The following PDE10A variants were observed in gnomAD, a reference collection of about 807,000 sequenced individuals.
The protein encoded by PDE10A is cAMP and cAMP-inhibited cGMP 3',5'-cyclic phosphodiesterase 10A.
PDE10A carries 39 observed loss-of-function variants against 97.7 expected under a neutral mutation model. The observed-to-expected ratio is 0.40, with a 90% CI of 0.31 to 0.52. The LOEUF (loss-of-function observed/expected upper bound fraction) is 0.52, where lower values mean the gene tolerates loss of function less well. Among genes scored for constraint, PDE10A ranks in the 20% least tolerant of loss-of-function variants. The pLI is 0.56. For missense variants in PDE10A, 731 were observed against 1,047.8 expected, an observed-to-expected ratio of 0.70 and a Z score of 4.17; for synonymous variants, 371 against 376.8, an observed-to-expected ratio of 0.98 and a Z score of 0.18.
intron 1 of PDE10A, among the ~76,000 whole-genome samples, chr6:165,805,601 A>G (rs1779114985): frequency 6.6e-6 from 1 of 152,008 alleles, no homozygotes; most frequent in Admixed American, 6.5e-5. Flanking sequence ...AACTCTATGT[A>G]CAGGTATATT....
At chr6:165,865,831 A>G (rs1781027384) in intron 1 of PDE10A, among the ~76,000 whole-genome samples, 2 of 152,188 alleles carry the variant, frequency 1.3e-5, no homozygotes, top group South Asian at 4.1e-4. Flanking sequence ...GTTCCACAAG[A>G]AGAGATGAGT....
intron 1 of PDE10A, among the ~76,000 whole-genome samples, chr6:165,701,268 G>A (rs1277512984): frequency 6.6e-6 from 1 of 152,184 alleles, no homozygotes; most frequent in African/African-American, 2.4e-5. Context: ...CCATCTGACG[G>A]TCTTGGGTGG....
intron 5 of PDE10A, among the ~76,000 whole-genome samples, chr6:165,437,005 C>T (rs1289324006): frequency 1.3e-5 from 2 of 152,090 alleles, no homozygotes; most frequent in Non-Finnish European, 2.9e-5. Context: ...TTTTCTCAAA[C>T]TATAAGGAAG....
intron 1 of PDE10A, among the ~76,000 whole-genome samples, chr6:165,947,504 C>T (rs1207735280): frequency 6.6e-6 from 1 of 152,058 alleles, no homozygotes; most frequent in Non-Finnish European, 1.5e-5. Context: ...TAAAATAGAG[C>T]TTTCTCTCAC....
chr6:165,751,997 G>A (rs982350434), intron 1 of PDE10A, among the ~76,000 whole-genome samples: 3 of 151,860 alleles, frequency 2.0e-5, no homozygotes, highest in Non-Finnish European at 4.4e-5. Flanking sequence ...GAAAAAACTA[G>A]CCAGGCATGG....
chr6:165,619,241 G>GTGTAGTGTAGTCTA (rs879730313), intron 1 of PDE10A, among the ~76,000 whole-genome samples: 11,137 of 109,424 alleles, frequency 0.1, 932 homozygotes, highest in African/African-American at 0.16. Context: ...AGACTAGTGT[G>GTGTAGTGTAGTCTA]GTGTAGTGTA....
At chr6:165,549,864 T>A (rs1783929219) in intron 1 of PDE10A, among the ~76,000 whole-genome samples, 1 of 152,204 alleles carries the variant, frequency 6.6e-6, no homozygotes, top group Admixed American at 6.5e-5. Flanking sequence ...TTACTCATTC[T>A]AAGAAAGAAT....
rs1026462784 is a variant in PDE10A, at chr6:165,671,987, A to C, written c.-614-128419T>G. Reference sequence around the variant, plus strand: ...TCAGTCAAACTATATTACTTCCGTAACCGTAAAATACTGGTGAAGTCTTAT... The same window carrying C: ...TCAGTCAAACTATATTACTTCCGTACCCGTAAAATACTGGTGAAGTCTTAT... On this transcript the variant is annotated intron_variant, in intron 1 of 19. Coordinates refer to the PDE10A transcript ENST00000366882. This position sits in a 1 kb window ranked among gnomAD's most constrained non-coding sequence, Gnocchi z 4.6. Among the ~76,000 whole-genome samples, 5 of 152,202 alleles carry C rather than the reference A, an allele frequency of 3.3e-5. No individual in the cohort carries two copies. Among genetic ancestry groups the C allele is most frequent in the African/African-American group, 2.4e-5 (1 of 41,446 alleles).
chr6:165,902,606 G>A (rs1782144480), intron 1 of PDE10A, among the ~76,000 whole-genome samples: 1 of 130,614 alleles, frequency 7.7e-6, no homozygotes. Flanking sequence ...CACTGACACT[G>A]GAATTTGTGA....
At chr6:165,735,617 T>C (rs1456496214) in intron 1 of PDE10A, among the ~76,000 whole-genome samples, 2 of 152,142 alleles carry the variant, frequency 1.3e-5, no homozygotes, top group Non-Finnish European at 2.9e-5. Flanking sequence ...GAAAAGCCAA[T>C]GTCCAAGTTC....
chr6:165,375,118 A>G lies in PDE10A; in HGVS notation c.2783+4076T>C, dbSNP rs539068068. Among the ~76,000 whole-genome samples, 10 of 152,302 alleles carry G rather than the reference A, an allele frequency of 6.6e-5. No homozygotes were observed. In the South Asian group the frequency reaches 1.0e-3, roughly 16 times the overall value. Reference sequence around the variant, plus strand: ...AAGCAGTAATATTAAAATTAGGCCAATTAATAACTCTACAATGACCTCTAA... The same window carrying G: ...AAGCAGTAATATTAAAATTAGGCCAGTTAATAACTCTACAATGACCTCTAA... On this transcript the variant is annotated intron_variant, in intron 18 of 21. Transcript: ENST00000539869.
chr6:165,435,141 G>A (rs534966784), intron 6 of PDE10A, 96 bp downstream of exon 6: 3 of 1,125,454 alleles, frequency 2.7e-6, no homozygotes, highest in East Asian at 2.4e-5. Context: ...TTTTTAAAAT[G>A]AAACTATTTA....
chr6:165,581,475 C>T (rs1396113561), intron 1 of PDE10A, among the ~76,000 whole-genome samples: 1 of 152,170 alleles, frequency 6.6e-6, no homozygotes, highest in African/African-American at 2.4e-5. Flanking sequence ...AAGAAAGCAG[C>T]CATCTGTCAA....
At chr6:165,864,329 T>G (rs1040844946) in intron 1 of PDE10A, among the ~76,000 whole-genome samples, 2 of 152,174 alleles carry the variant, frequency 1.3e-5, no homozygotes, top group Non-Finnish European at 2.9e-5. Flanking sequence ...TGGGAAAAAT[T>G]AGAAGACAAG....
Position 165,418,613 on chromosome 6 carries a change from G to A in PDE10A, c.1796+22C>T. On this transcript the variant is annotated intron_variant, in intron 11 of 21. Transcript: ENST00000539869. The surrounding 1 kb of genome is among the most constrained non-coding windows in gnomAD (Gnocchi z 4.8). ...CTGCACATCTACCGTAAGAGGATAG[G>A]ACATTCTACTTCTAGCTGTACCTTA... 6.2e-7 allele frequency: 1 copy of A among 1,607,724 alleles called. No homozygotes were observed. Among genetic ancestry groups the A allele is most frequent in the East Asian group, 2.2e-5 (1 of 44,848 alleles).
intron 1 of PDE10A, among the ~76,000 whole-genome samples, chr6:165,935,458 C>T (rs1783291357): frequency 6.6e-6 from 1 of 152,132 alleles, no homozygotes; most frequent in South Asian, 2.1e-4. Flanking sequence ...AGGATCAAAT[C>T]TGAATTCAAA....
intron 18 of PDE10A, among the ~76,000 whole-genome samples, chr6:165,349,354 A>C (rs182931183): frequency 9.0e-4 from 137 of 152,254 alleles, no homozygotes; most frequent in Non-Finnish European, 1.6e-3. Context: ...GGGAACTGGA[A>C]TAAAGGTCAC....
chr6:165,788,535 A>G (rs1394811509), intron 1 of PDE10A, among the ~76,000 whole-genome samples: 27 of 149,398 alleles, frequency 1.8e-4, no homozygotes, highest in South Asian at 4.3e-4. Flanking sequence ...AAAAAAAAAA[A>G]AAAAGAAAAG....
At chr6:165,680,882 TAAAC>T (rs1369872095) in intron 1 of PDE10A, among the ~76,000 whole-genome samples, 4 of 152,182 alleles carry the variant, frequency 2.6e-5, no homozygotes, top group African/African-American at 9.7e-5. Context: ...AGACTCCATC[TAAAC>T]AAACAAACAA....
Sources: gnomAD v4.1 joint callset for allele counts (sites outside exome capture counted in the v4.1 genomes callset) on GRCh38, gnomAD v4.1.1 for gene constraint, Gnocchi (gnomAD v3.1) non-coding constraint, MANE v1.5 for transcripts, NCBI Gene and HGNC (gene_info 2026-07-23, HGNC 2026-07-21) for gene names.